Variants in CDH10 observed in about 807,000 individuals in gnomAD.
CDH10 encodes the protein cadherin-10.
CDH10 carries 30 observed loss-of-function variants against 73.1 expected under a neutral mutation model. The observed-to-expected ratio is 0.41, with a 90% CI of 0.31 to 0.56. CDH10 has a LOEUF of 0.56. Among genes scored for constraint, CDH10 ranks in the 20% least tolerant of loss-of-function variants. The pLI, the probability that CDH10 is intolerant of heterozygous loss-of-function variation, is 0.27. For synonymous variants in CDH10, 345 were observed against 348.2 expected (o/e 0.99, Z 0.10); for missense variants, 815 against 973.7 (o/e 0.84, Z 2.17).
Position 24,561,006 on chromosome 5 carries a change from T to C in CDH10, c.232-23332A>G, listed in dbSNP as rs551688416. Among the ~76,000 whole-genome samples the C allele has an allele frequency of 3.9e-5, 6 of 152,242 alleles. No individual in the cohort carries two copies. The South Asian group carries it at 1.2e-3, about 32-fold the overall frequency. On this transcript the variant is annotated intron_variant, in intron 2 of 11. Coordinates refer to ENST00000264463, the MANE Select transcript of CDH10 (RefSeq NM_006727.5). ...CACTTCCCTAAGCTTCAGTTTCCTCTTGTTAAAATAGGAATGACAATCGTT... is the reference window on the plus strand; with the variant it reads ...CACTTCCCTAAGCTTCAGTTTCCTCCTGTTAAAATAGGAATGACAATCGTT...
rs150262226 is a variant in CDH10 at position 24,608,254 on chromosome 5, T to C, written c.-123-14641A>G. On this transcript the variant is annotated intron_variant, in intron 1 of 11. Transcript: ENST00000264463. ...CTTATTCTATTTGTCAACACACGTG[T>C]TGTTTCTTAGTGGCTTAATTTATTT... Among the ~76,000 whole-genome samples the C allele has an allele frequency of 2.9e-3, 448 of 152,216 alleles. 1 individual carries two copies. The highest frequency in any genetic ancestry group is 0.01 in the African/African-American group (426 of 41,526).
At chr5:24,550,704 C>T (rs1744512720) in intron 2 of CDH10, among the ~76,000 whole-genome samples, 1 of 152,062 alleles carries the variant, frequency 6.6e-6, no homozygotes, top group African/African-American at 2.4e-5. Context: ...CCATCCTCCC[C>T]ACAAATCAGT....
At chr5:24,516,688 A>AT (rs1011667620) in intron 5 of CDH10, among the ~76,000 whole-genome samples, 16 of 151,932 alleles carry the variant, frequency 1.1e-4, no homozygotes, top group African/African-American at 1.7e-4. Context: ...CCATTGGATG[A>AT]TTTTTTTAGG....
chr5:24,537,370 A>G lies in CDH10; in HGVS notation c.526+10T>C, dbSNP rs2111891661. ...TTGAATACCATCATAAACGCTGTAA[A>G]TGAACTTACCTACAACAGACATTTC... On this transcript the variant is annotated intron_variant, in intron 3 of 11. Coordinates refer to ENST00000264463, the MANE Select transcript of CDH10 (RefSeq NM_006727.5). The G allele has an allele frequency of 4.4e-6, 7 of 1,587,220 alleles. No individual in the cohort carries two copies. The East Asian group carries it at 1.6e-4, about 36-fold the overall frequency.
rs777761277 is a variant in CDH10 at position 24,487,809 on chromosome 5, T to C, written c.2221A>G (p.Asn741Asp). Residue 741 changes from asparagine to aspartate, a missense_variant, in exon 12 of 12, where the codon AAT becomes GAT. Asn to Asp is a conservative substitution (Grantham distance 23, BLOSUM62 1). Coordinates refer to ENST00000264463, the MANE Select transcript of CDH10 (RefSeq NM_006727.5). ...CTCAGAGATTCAGCAATGGAATCAT[T>C]TCCTTCATAGGCATAGGTTGCAAGT... Reference protein sequence around the residue: ...DSLATYAYEGNDSIAESLSSL... With the variant: ...DSLATYAYEGDDSIAESLSSL... 8 of 1,614,004 alleles carry C rather than the reference T, an allele frequency of 5.0e-6. No homozygotes were observed. The highest frequency in any genetic ancestry group is 6.8e-6 in the Non-Finnish European group (8 of 1,179,950).
intron 5 of CDH10, among the ~76,000 whole-genome samples, chr5:24,529,474 T>G (rs1743648397): frequency 6.6e-6 from 1 of 151,944 alleles, no homozygotes. Flanking sequence ...GTGGGGAAAT[T>G]TTTTATTAAT....
At chr5:24,616,406 T>TAC (rs1747129719) in intron 1 of CDH10, among the ~76,000 whole-genome samples, 1 of 152,164 alleles carries the variant, frequency 6.6e-6, no homozygotes, top group South Asian at 2.1e-4. Flanking sequence ...ATATAGATTC[T>TAC]ACACTTGGGG....
At chr5:24,587,021 A>T (rs905145583) in intron 2 of CDH10, among the ~76,000 whole-genome samples, 4 of 148,930 alleles carry the variant, frequency 2.7e-5, no homozygotes, top group South Asian at 2.1e-4. Context: ...ATTTTTTGTA[A>T]TTTTAGTAGA....
intron 1 of CDH10, among the ~76,000 whole-genome samples, chr5:24,597,704 C>G (rs1746419584): frequency 6.6e-6 from 1 of 151,950 alleles, no homozygotes; most frequent in African/African-American, 2.4e-5. Context: ...TTCTGAAATA[C>G]TTATCACAAA....
chr5:24,598,152 C>A (rs199514642), intron 1 of CDH10, among the ~76,000 whole-genome samples: 1 of 151,840 alleles, frequency 6.6e-6, no homozygotes, highest in Admixed American at 6.6e-5. Flanking sequence ...TAAATACTTC[C>A]TTTTTATTCA....
At chr5:24,643,970 C>A (rs1281680202) in intron 1 of CDH10, among the ~76,000 whole-genome samples, 3 of 152,150 alleles carry the variant, frequency 2.0e-5, no homozygotes, top group African/African-American at 7.2e-5. Context: ...CCTCTCTCCC[C>A]CCAATACTTC....
At chr5:24,537,847 T>C (rs1431427919) in intron 2 of CDH10, among the ~76,000 whole-genome samples, 173 bp from the exon 3 acceptor site, 2 of 152,060 alleles carry the variant, frequency 1.3e-5, no homozygotes, top group African/African-American at 4.8e-5. Flanking sequence ...CTTTAAAGAA[T>C]ATGAATAGCC....
intron 2 of CDH10, among the ~76,000 whole-genome samples, chr5:24,541,318 T>C (rs1744147303): frequency 6.6e-6 from 1 of 152,008 alleles, no homozygotes; most frequent in Non-Finnish European, 1.5e-5. Flanking sequence ...CTGCATAATT[T>C]TTCAACAGTT....
intron 1 of CDH10, among the ~76,000 whole-genome samples, chr5:24,621,783 A>G (rs1747325248): frequency 6.6e-6 from 1 of 152,220 alleles, no homozygotes; most frequent in African/African-American, 2.4e-5. Flanking sequence ...ATATGCACAC[A>G]TATAATTCAT....
In CDH10 at chr5:24,529,987, C is replaced by CCTGTGATGGGATG. The variant is rs1290958242; in HGVS notation, c.814+5124_814+5125insCATCCCATCACAG. On this transcript the variant is annotated intron_variant, in intron 5 of 11. Transcript: ENST00000264463. ...TGTGATGGGATGTATGGAAAAGCAC[C>CCTGTGATGGGATG]TACCTGTGAATAAAAGGCTCTATTT... is the stretch of plus-strand genomic sequence containing the variant. Among the ~76,000 whole-genome samples the CCTGTGATGGGATG allele has an allele frequency of 2.7e-5, 4 of 149,506 alleles. No individual in the cohort carries two copies. The East Asian group carries it at 7.9e-4, about 30-fold the overall frequency.
intron 7 of CDH10, among the ~76,000 whole-genome samples, chr5:24,508,059 G>A (rs2111741336): frequency 6.6e-6 from 1 of 152,284 alleles, no homozygotes; most frequent in East Asian, 1.9e-4. Flanking sequence ...ATGCGCTGTG[G>A]CATATGTAGG....
At chr5:24,600,522 C>T (rs187901009) in intron 1 of CDH10, among the ~76,000 whole-genome samples, 18 of 152,230 alleles carry the variant, frequency 1.2e-4, no homozygotes, top group Admixed American at 7.9e-4. Context: ...AATCCAAACA[C>T]GGGTGGTCTG....
intron 1 of CDH10, among the ~76,000 whole-genome samples, chr5:24,643,066 C>T (rs978812391): frequency 7.9e-5 from 12 of 151,928 alleles, no homozygotes; most frequent in South Asian, 2.1e-4. Context: ...CACAGATCCA[C>T]GCTGTTTACA....
chr5:24,597,525 C>T (rs1746413898), intron 1 of CDH10, among the ~76,000 whole-genome samples: 1 of 152,024 alleles, frequency 6.6e-6, no homozygotes, highest in Non-Finnish European at 1.5e-5. Flanking sequence ...AGGCCTTTTT[C>T]CACGTTTTTT....
Sources: allele counts gnomAD v4.1 joint callset (sites outside exome capture counted in the v4.1 genomes callset), GRCh38; gene constraint gnomAD v4.1.1; transcripts MANE v1.5; gene names NCBI Gene and HGNC (gene_info 2026-07-23, HGNC 2026-07-21).